ARMH3: variants seen among roughly 807,000 people sequenced by gnomAD.
The protein encoded by ARMH3 is armadillo like helical domain containing 3, also known as armadillo-like helical domain-containing protein 3.
Under a neutral mutation model 99.1 loss-of-function variants are expected in ARMH3, and 60 were observed. The ratio of observed to expected loss-of-function variants is 0.61; its 90% CI spans 0.49 to 0.75. ARMH3 has a LOEUF of 0.75. Among genes scored for constraint, ARMH3 ranks in the 30% least tolerant of loss-of-function variants. ARMH3 has a pLI of 0.00. For synonymous variants in ARMH3, 285 were observed against 292.8 expected (o/e 0.97, Z 0.27); for missense variants, 679 against 843.1 (o/e 0.81, Z 2.41).
At chr10:102,027,713 T>C (rs1236194526) in intron 5 of ARMH3, among the ~76,000 whole-genome samples, 1 of 152,066 alleles carries the variant, frequency 6.6e-6, no homozygotes, top group East Asian at 1.9e-4. Flanking sequence ...AGGAGCTATC[T>C]GGGATTTTAC....
At chr10:102,027,418 T>C (rs936344595) in intron 5 of ARMH3, among the ~76,000 whole-genome samples, 1 of 151,924 alleles carries the variant, frequency 6.6e-6, no homozygotes, top group Non-Finnish European at 1.5e-5. Flanking sequence ...AACTTGGTGA[T>C]CATCTGGAGA....
At chr10:101,926,638 G>A (rs1843518051) in intron 23 of ARMH3, among the ~76,000 whole-genome samples, 1 of 151,996 alleles carries the variant, frequency 6.6e-6, no homozygotes, top group Non-Finnish European at 1.5e-5. Flanking sequence ...AAGGAATTAG[G>A]GACCTAAACT....
chr10:102,026,532 G>A (rs1220608698), intron 5 of ARMH3, among the ~76,000 whole-genome samples: 1 of 152,090 alleles, frequency 6.6e-6, no homozygotes, highest in Non-Finnish European at 1.5e-5. Flanking sequence ...GAATTGGGGA[G>A]GAAAGGAATT....
chr10:101,973,542 G>A (rs1185007572), intron 20 of ARMH3, among the ~76,000 whole-genome samples: 1 of 152,054 alleles, frequency 6.6e-6, no homozygotes, highest in Non-Finnish European at 1.5e-5. Flanking sequence ...ATGGGGATAG[G>A]AGGAGAATAA....
chr10:102,029,177 A>G (rs142476778), intron 5 of ARMH3, among the ~76,000 whole-genome samples: 18 of 152,334 alleles, frequency 1.2e-4, no homozygotes, highest in African/African-American at 3.6e-4. Context: ...GCCTGGTCAG[A>G]TTGTACAATC....
chr10:101,862,298 C>T (rs1359474766), intron 24 of ARMH3, among the ~76,000 whole-genome samples: 3 of 151,910 alleles, frequency 2.0e-5, no homozygotes, highest in South Asian at 4.2e-4. Flanking sequence ...GCACTATGGC[C>T]GGGTGTAGTG....
At chr10:102,037,798 G>A (rs972964427) in intron 2 of ARMH3, among the ~76,000 whole-genome samples, 7 of 151,866 alleles carry the variant, frequency 4.6e-5, no homozygotes, top group African/African-American at 7.3e-5. Context: ...TATGTTGCCC[G>A]AGATGGTCTC....
chr10:101,884,793 CAAAA>C (rs35682779), intron 24 of ARMH3, among the ~76,000 whole-genome samples: 1 of 149,794 alleles, frequency 6.7e-6, no homozygotes, highest in African/African-American at 2.5e-5. Flanking sequence ...AACAAACAAA[CAAAA>C]AAAAACAGGC....
intron 8 of ARMH3, among the ~76,000 whole-genome samples, chr10:102,019,000 A>G (rs1166798943): frequency 2.0e-5 from 3 of 152,176 alleles, no homozygotes; most frequent in African/African-American, 7.2e-5. Context: ...AGTACCTACT[A>G]CTTGATAATG....
intron 23 of ARMH3, among the ~76,000 whole-genome samples, chr10:101,890,388 C>T (rs1239534377): frequency 1.3e-5 from 2 of 152,060 alleles, no homozygotes; most frequent in East Asian, 3.9e-4. Flanking sequence ...GGACTACAGG[C>T]ATGTGCCAGC....
intron 1 of ARMH3, among the ~76,000 whole-genome samples, chr10:102,051,965 A>G (rs1357897206): frequency 6.6e-6 from 1 of 152,178 alleles, no homozygotes; most frequent in Non-Finnish European, 1.5e-5. Flanking sequence ...CCAAATTGAC[A>G]GTATTTCAGG....
At chr10:101,892,455 T>C (rs1255262302) in intron 23 of ARMH3, among the ~76,000 whole-genome samples, 1 of 152,238 alleles carries the variant, frequency 6.6e-6, no homozygotes, top group East Asian at 1.9e-4. Flanking sequence ...CGAGACCTTC[T>C]CTCAAAAATA....
chr10:101,862,690 G>A (rs1321358636), intron 24 of ARMH3, among the ~76,000 whole-genome samples: 1 of 150,806 alleles, frequency 6.6e-6, no homozygotes, highest in Non-Finnish European at 1.5e-5. Flanking sequence ...GTCAATAGCA[G>A]ATATAAAATG....
At chr10:101,984,511 C>T (rs1410431728) in intron 19 of ARMH3, among the ~76,000 whole-genome samples, 1 of 152,078 alleles carries the variant, frequency 6.6e-6, no homozygotes, top group African/African-American at 2.4e-5. Context: ...TCTCGTATGG[C>T]CTGGGTCTGG....
intron 22 of ARMH3, among the ~76,000 whole-genome samples, chr10:101,948,352 G>C (rs928876415): frequency 6.6e-6 from 1 of 152,156 alleles, no homozygotes; most frequent in African/African-American, 2.4e-5. Context: ...GATCACATCT[G>C]TGAATAGCCA....
intron 1 of ARMH3, among the ~76,000 whole-genome samples, chr10:102,047,181 A>C (rs1424357097): frequency 3.3e-5 from 5 of 152,042 alleles, no homozygotes; most frequent in Admixed American, 3.3e-4. Context: ...ACAGGATTTA[A>C]TTGATTTTTT....
chr10:101,864,075 AAAAACACAC>A (rs1239873086), intron 24 of ARMH3, among the ~76,000 whole-genome samples: 3 of 109,378 alleles, frequency 2.7e-5, no homozygotes, highest in African/African-American at 8.3e-5. Context: ...AAAAAAAAAA[AAAAACACAC>A]ACACACACAC....
At chr10:101,910,040 T>C (rs1842802084) in intron 23 of ARMH3, among the ~76,000 whole-genome samples, 1 of 152,200 alleles carries the variant, frequency 6.6e-6, no homozygotes, top group Admixed American at 6.5e-5. Flanking sequence ...AAAAACGCTT[T>C]CCCTGTTACT....
intron 23 of ARMH3, among the ~76,000 whole-genome samples, chr10:101,933,898 C>A (rs1467168139): frequency 2.6e-5 from 4 of 152,208 alleles, no homozygotes; most frequent in African/African-American, 9.6e-5. Flanking sequence ...GACTAAGTTG[C>A]ATCCTTCAGC....
Sources: allele counts gnomAD v4.1 joint callset (sites outside exome capture counted in the v4.1 genomes callset), GRCh38; gene constraint gnomAD v4.1.1; transcripts MANE v1.5; gene names NCBI Gene and HGNC (gene_info 2026-07-23, HGNC 2026-07-21).